Variants in EDNRA observed in about 807,000 individuals in gnomAD.
EDNRA encodes the protein endothelin-1 receptor.
EDNRA carries 11 observed loss-of-function variants against 41.4 expected under a neutral mutation model. That is an observed-to-expected ratio of 0.27 (90% CI 0.17 to 0.44). The LOEUF is 0.44. Ranked by LOEUF, EDNRA falls within the 20% of genes least tolerant of loss-of-function variation. The pLI is 1.00. For missense variants in EDNRA, 294 were observed against 531.0 expected, an observed-to-expected ratio of 0.55 and a Z score of 4.39; for synonymous variants, 172 against 183.0, an observed-to-expected ratio of 0.94 and a Z score of 0.49.
intron 1 of EDNRA, among the ~76,000 whole-genome samples, chr4:147,481,593 A>T (rs546763885): frequency 6.6e-6 from 1 of 152,228 alleles, no homozygotes; most frequent in Admixed American, 6.5e-5. Flanking sequence ...TGCGCTGCGG[A>T]CACGTGTAGA....
chr4:147,533,778 C>T (rs1050905620), intron 4 of EDNRA, among the ~76,000 whole-genome samples: 1 of 152,114 alleles, frequency 6.6e-6, no homozygotes, highest in African/African-American at 2.4e-5. Flanking sequence ...AAGAGGTTCA[C>T]TATAAGAAGG....
chr4:147,486,113 C>G lies in EDNRA; in HGVS notation c.420+12C>G, dbSNP rs202159529. On this transcript the variant is annotated intron_variant, in intron 2 of 7. Coordinates refer to ENST00000651419, the MANE Select transcript of EDNRA (RefSeq NM_001957.4). This position sits in a 1 kb window ranked among gnomAD's most constrained non-coding sequence, Gnocchi z 4.3. ...TCAATGTATTTAAGGTAGGAAGTAA[C>G]CACAAATGTATTTGCAAATTTAAAC... 155 of 1,591,962 alleles carry G rather than the reference C, an allele frequency of 9.7e-5. 1 individual carries two copies. In the Middle Eastern group the frequency reaches 1.9e-3, roughly 19 times the overall value.
intron 2 of EDNRA, among the ~76,000 whole-genome samples, chr4:147,516,102 A>C (rs1279691862): frequency 6.6e-6 from 1 of 152,218 alleles, no homozygotes; most frequent in African/African-American, 2.4e-5. Context: ...CTGGCCCAGC[A>C]GATTGCCTTC....
intron 2 of EDNRA, among the ~76,000 whole-genome samples, chr4:147,517,467 G>C (rs4835411): frequency 0.12 from 18,139 of 152,194 alleles, 1,115 homozygotes; most frequent in South Asian, 0.25. Flanking sequence ...GGAAAAGAGG[G>C]GGACGTTGCC....
At chr4:147,526,576 C>T (rs1730556722) in intron 3 of EDNRA, among the ~76,000 whole-genome samples, 1 of 152,204 alleles carries the variant, frequency 6.6e-6, no homozygotes, top group South Asian at 2.1e-4. Flanking sequence ...TCAAAGTAGT[C>T]ACAGGCCAGC....
Position 147,486,161 on chromosome 4 carries a change from G to A in EDNRA, c.420+60G>A. The stretch of plus-strand genomic sequence containing the variant: ...AACCCATGCTCTGATTCCACGTGGA[G>A]AGTTGCTGCAGACTTTTCTGACCTT... On this transcript the variant is annotated intron_variant, in intron 2 of 7. Transcript: ENST00000651419. The surrounding 1 kb of genome is among the most constrained non-coding windows in gnomAD (Gnocchi z 4.3). 6.5e-7 allele frequency: 1 copy of A among 1,527,980 alleles called. No individual in the cohort carries two copies. Among genetic ancestry groups the A allele is most frequent in the Non-Finnish European group, 8.8e-7 (1 of 1,136,392 alleles). The allele number at this position is 1,527,980 out of a possible 1,614,324, so 94.7% of individuals were successfully genotyped here. A position where few individuals can be genotyped will look rare whatever the true frequency, so the allele number is the denominator to read the frequency against.
chr4:147,505,460 G>GCCT, intron 2 of EDNRA, among the ~76,000 whole-genome samples: 1 of 146,118 alleles, frequency 6.8e-6, no homozygotes, highest in Admixed American at 7.1e-5. Flanking sequence ...TCCTGCCTCA[G>GCCT]CCTCCTGAGT....
At chr4:147,498,791 G>A (rs1189444318) in intron 2 of EDNRA, among the ~76,000 whole-genome samples, 1 of 152,062 alleles carries the variant, frequency 6.6e-6, no homozygotes, top group African/African-American at 2.4e-5. Flanking sequence ...CTTTTTAATA[G>A]AGATGGGGTT....
chr4:147,509,830 T>C (rs1476648155), intron 2 of EDNRA, among the ~76,000 whole-genome samples: 1 of 152,096 alleles, frequency 6.6e-6, no homozygotes, highest in African/African-American at 2.4e-5. Context: ...TTTTACATTA[T>C]GGTGAGTTGT....
At chr4:147,482,830 C>T (rs993452144) in intron 1 of EDNRA, among the ~76,000 whole-genome samples, 1 of 152,132 alleles carries the variant, frequency 6.6e-6, no homozygotes, top group African/African-American at 2.4e-5. Flanking sequence ...TTCAAAGCAC[C>T]ACAGGACCTC....
intron 3 of EDNRA, among the ~76,000 whole-genome samples, chr4:147,523,475 T>C (rs1730403381): frequency 1.0e-5 from 1 of 99,690 alleles, no homozygotes. Flanking sequence ...TTTTTTGTTG[T>C]TGTTGTTTTT....
At chr4:147,539,367 T>A (rs925525794) in intron 5 of EDNRA, among the ~76,000 whole-genome samples, 1 of 152,072 alleles carries the variant, frequency 6.6e-6, no homozygotes, top group Non-Finnish European at 1.5e-5. Flanking sequence ...TCAGTCTCCT[T>A]GCCTTCCATG....
chr4:147,497,074 A>G (rs918754176), intron 2 of EDNRA, among the ~76,000 whole-genome samples: 9 of 147,586 alleles, frequency 6.1e-5, no homozygotes, highest in African/African-American at 2.3e-4. Context: ...AACCTTTTAT[A>G]TTTTACTATT....
At chr4:147,536,581 G>A (rs1280629562) in intron 5 of EDNRA, among the ~76,000 whole-genome samples, 1 of 152,280 alleles carries the variant, frequency 6.6e-6, no homozygotes, top group Middle Eastern at 3.4e-3. Flanking sequence ...AGCATTTCAG[G>A]TGGAAGAACA....
In EDNRA at chr4:147,544,859, C is replaced by G. The variant is rs200591348; in HGVS notation, c.*2241C>G. On this transcript the variant is annotated 3_prime_UTR_variant, in exon 8 of 8. Coordinates refer to ENST00000651419, the MANE Select transcript of EDNRA (RefSeq NM_001957.4). ...TTTCCAATTTCTACCTTTACTACAT[C>G]TTTTCAACAAGTAACTTTGTAGAAA... 1 of 152,652 alleles carries G rather than the reference C, an allele frequency of 6.6e-6. No homozygotes were observed. The highest frequency in any genetic ancestry group is 6.5e-5 in the Admixed American group (1 of 15,278). The allele number at this position is 152,652 out of a possible 1,614,324, so 9.5% of individuals were successfully genotyped here.
chr4:147,537,346 A>T (rs547992703), intron 5 of EDNRA, among the ~76,000 whole-genome samples: 52 of 152,354 alleles, frequency 3.4e-4, no homozygotes, highest in African/African-American at 1.3e-3. Flanking sequence ...TAGCAAGAAG[A>T]TTACATTGAG....
chr4:147,482,029 C>G (rs1728778440), intron 1 of EDNRA, among the ~76,000 whole-genome samples: 1 of 152,162 alleles, frequency 6.6e-6, no homozygotes, highest in South Asian at 2.1e-4. Flanking sequence ...AATGGCTTTC[C>G]CCTGATAGAG....
intron 4 of EDNRA, among the ~76,000 whole-genome samples, chr4:147,533,079 C>T (rs963321951): frequency 1.9e-4 from 29 of 151,800 alleles, no homozygotes; most frequent in African/African-American, 6.8e-4. Context: ...TACAACACAA[C>T]AATTTCCATC....
chr4:147,529,879 T>C (rs540797557), intron 3 of EDNRA, among the ~76,000 whole-genome samples: 1 of 152,364 alleles, frequency 6.6e-6, no homozygotes, highest in East Asian at 1.9e-4. Context: ...ATTGTTCTTA[T>C]GGCTGTTTTC....
Sources: allele counts gnomAD v4.1 joint callset (sites outside exome capture counted in the v4.1 genomes callset), GRCh38; gene constraint gnomAD v4.1.1; non-coding constraint Gnocchi (gnomAD v3.1); transcripts MANE v1.5; gene names NCBI Gene and HGNC (gene_info 2026-07-23, HGNC 2026-07-21).